Variants in TG observed in about 807,000 individuals in gnomAD.
TG encodes thyroid hormones.
A neutral mutation model predicts 324.7 loss-of-function variants in TG; 270 were observed. The observed-to-expected ratio is 0.83, with a 90% CI of 0.75 to 0.92. TG has a LOEUF of 0.92. TG is among the 40% of genes least tolerant of loss of function. The pLI, the probability that TG is intolerant of heterozygous loss-of-function variation, is 0.00. For missense variants in TG, 3,591 were observed against 3,456.4 expected (o/e 1.04, Z -0.98); for synonymous variants, 1,401 against 1,327.0 (o/e 1.06, Z -1.21).
At chr8:133,100,708 C>T (rs1399352515) in intron 43 of TG, among the ~76,000 whole-genome samples, 1 of 152,202 alleles carries the variant, frequency 6.6e-6, no homozygotes, top group African/African-American at 2.4e-5. Flanking sequence ...TGAGAGCCTT[C>T]CATCTACCAT....
chr8:132,897,529 C>G (rs1433926791), intron 11 of TG, 120 bp from the exon 12 acceptor site: 6 of 1,392,606 alleles, frequency 4.3e-6, no homozygotes, highest in Admixed American at 1.7e-5. Flanking sequence ...AAATGTTTGT[C>G]AAATAAATAA....
chr8:133,057,546 C>T (rs1453905091), intron 41 of TG, among the ~76,000 whole-genome samples: 4 of 152,096 alleles, frequency 2.6e-5, no homozygotes, highest in Admixed American at 6.5e-5. Flanking sequence ...ATCATGCTGT[C>T]GCTGTGAGGA....
intron 5 of TG, among the ~76,000 whole-genome samples, chr8:132,875,284 T>C (rs941445689): frequency 5.3e-5 from 8 of 152,250 alleles, no homozygotes; most frequent in East Asian, 1.9e-4. Context: ...GCCAGTTTTA[T>C]TGAGTACTTA....
rs980649355 is a variant in TG at position 133,043,714 on chromosome 8, T to G, written c.7239+13691T>G. Among the ~76,000 whole-genome samples the G allele has an allele frequency of 3.9e-5, 6 of 152,304 alleles. No individual in the cohort carries two copies. In the South Asian group the frequency reaches 8.3e-4, roughly 21 times the overall value. On this transcript the variant is annotated intron_variant, in intron 41 of 47. Transcript: ENST00000220616. ...TTGCCTCATGCCCCACTGCTTCTCG[T>G]GGGCCAGCTGTGATAACCAAAGCCC... is the stretch of plus-strand genomic sequence containing the variant.
At position 132,869,840 on chromosome 8, in the gene TG, G is replaced by C. The variant is rs757129612; in HGVS notation, c.274+14G>C. 8.1e-6 allele frequency: 13 copies of C among 1,612,300 alleles called. No homozygotes were observed. The African/African-American group carries it at 1.6e-4, about 20-fold the overall frequency. On this transcript the variant is annotated intron_variant, in intron 3 of 47. Coordinates refer to ENST00000220616, the MANE Select transcript of TG (RefSeq NM_003235.5). ...GGCCTGTGGCTTGTAAGTGGGAGTG[G>C]GGGACGTCCCTTGGAGGGACCCTGC...
intron 27 of TG, among the ~76,000 whole-genome samples, chr8:132,950,447 T>C (rs557933938): frequency 6.6e-6 from 1 of 152,296 alleles, no homozygotes; most frequent in South Asian, 2.1e-4. Flanking sequence ...CAGGGAAGCT[T>C]CTGAGACTCA....
Position 132,888,201 on chromosome 8 carries a change from G to A in TG, c.2394G>A (p.Thr798=), listed in dbSNP as rs757029013. 7 of 1,614,032 alleles carry A rather than the reference G, an allele frequency of 4.3e-6. No homozygotes were observed. Among genetic ancestry groups the A allele is most frequent in the East Asian group, 2.2e-5 (1 of 44,898 alleles). The change falls in exon 10 of 48, where the codon ACG becomes ACA. Residue 798 remains threonine (T), a synonymous_variant. Coordinates refer to ENST00000220616, the MANE Select transcript of TG (RefSeq NM_003235.5). ...CTCAGAACAAGGGCCAGGATCTGAC[G>A]CCTGCCAAGCTGCTAGTGAAGATCA... is the stretch of plus-strand genomic sequence containing the variant. ...WEAQNKGQDL[T]PAKLLVKIMS...
intron 16 of TG, among the ~76,000 whole-genome samples, chr8:132,906,104 G>A (rs548521150): frequency 6.6e-6 from 1 of 152,194 alleles, no homozygotes; most frequent in East Asian, 1.9e-4. Context: ...AGGAGGTGAG[G>A]CCTAAATGCA....
chr8:133,040,157 A>C (rs376807311), intron 41 of TG: 18 of 1,571,930 alleles, frequency 1.1e-5, no homozygotes, highest in Non-Finnish European at 1.1e-5. Context: ...ACAGCCGGTC[A>C]GGGACCCTGG....
At chr8:133,086,040 C>T (rs7845018) in intron 41 of TG, among the ~76,000 whole-genome samples, 5,175 of 152,060 alleles carry the variant, frequency 0.034, 306 homozygotes, top group African/African-American at 0.12. Flanking sequence ...AATTTAGCAG[C>T]GAAAAGATAT....
At chr8:132,989,083 CA>C (rs769030509) in intron 35 of TG, among the ~76,000 whole-genome samples, 6 of 152,310 alleles carry the variant, frequency 3.9e-5, no homozygotes, top group African/African-American at 7.2e-5. Flanking sequence ...AGAGCTTGTG[CA>C]GGCAAAATGC....
At chr8:132,898,552 C>T (rs889298809) in intron 13 of TG, among the ~76,000 whole-genome samples, 16 of 152,208 alleles carry the variant, frequency 1.1e-4, no homozygotes, top group Admixed American at 1.0e-3. Flanking sequence ...TCAGCAACCG[C>T]CTCGCCTCTG....
Position 133,042,670 on chromosome 8 carries a change from T to A in TG, c.7239+12647T>A, listed in dbSNP as rs192361733. On this transcript the variant is annotated intron_variant, in intron 41 of 47. Transcript: ENST00000220616. ...AACCCCTGGTGCACAATTCCTCTCATTCTGTGTCTTTTTTTTTTTTTTTTT... is the reference window on the plus strand; with the variant it reads ...AACCCCTGGTGCACAATTCCTCTCAATCTGTGTCTTTTTTTTTTTTTTTTT... 1.7e-3 allele frequency among the ~76,000 whole-genome samples: 243 copies of A among 141,640 alleles called. 6 individuals are homozygous for A. The East Asian group carries it at 0.043, about 25-fold the overall frequency. The allele number at this position is 141,640 out of a possible 152,430, so 92.9% of individuals were successfully genotyped here.
chr8:133,075,084 G>T (rs1235454332), intron 41 of TG: 17 of 985,322 alleles, frequency 1.7e-5, no homozygotes, highest in Non-Finnish European at 1.7e-5. Flanking sequence ...AGAAGGGCAG[G>T]TTCCTGTTTT....
intron 34 of TG, among the ~76,000 whole-genome samples, chr8:132,977,412 T>C (rs986507590): frequency 6.6e-6 from 1 of 152,170 alleles, no homozygotes; most frequent in African/African-American, 2.4e-5. Flanking sequence ...TCATTTAGTA[T>C]AGTGACATCT....
At chr8:133,125,587 C>T (rs563280849) in intron 45 of TG, among the ~76,000 whole-genome samples, 1 of 152,350 alleles carries the variant, frequency 6.6e-6, no homozygotes, top group South Asian at 2.1e-4. Context: ...GCAACCACAA[C>T]TGAAATGGTT....
rs60876919 is a variant in TG, at chr8:133,067,917, AAG to A, written c.7240-27113_7240-27112del. ...ATGGAAGGAAGGAAGGAAGGAAGGA[AAG>A]AGAGAGAGAGAGAAAGAAAGAAAGA... On this transcript the variant is annotated intron_variant, in intron 41 of 47. Transcript: ENST00000220616. Among the ~76,000 whole-genome samples the A allele has an allele frequency of 1.7e-4, 6 of 36,008 alleles. 1 individual carries two copies. Among genetic ancestry groups the A allele is most frequent in the South Asian group, 7.2e-4 (1 of 1,396 alleles). 23.6% of individuals were successfully genotyped at this position (36,008 alleles called of 152,430 possible). A position where few individuals can be genotyped will look rare whatever the true frequency, so the allele number is the denominator to read the frequency against.
At chr8:133,112,636 GA>G (rs1413270530) in intron 43 of TG, among the ~76,000 whole-genome samples, 1 of 151,988 alleles carries the variant, frequency 6.6e-6, no homozygotes, top group Non-Finnish European at 1.5e-5. Context: ...GAAGGAAAGA[GA>G]AAGACAGAGA....
chr8:133,047,622 G>A, intron 41 of TG: 1 of 584,386 alleles, frequency 1.7e-6, no homozygotes, highest in Non-Finnish European at 3.1e-6. Flanking sequence ...CCGTGGCAGT[G>A]CCCAGCCGGC....
Sources: allele counts gnomAD v4.1 joint callset (sites outside exome capture counted in the v4.1 genomes callset), GRCh38; gene constraint gnomAD v4.1.1; transcripts MANE v1.5; gene names NCBI Gene and HGNC (gene_info 2026-07-23, HGNC 2026-07-21).